RNF214: variants seen among roughly 807,000 people sequenced by gnomAD.
RNF214 encodes the protein ring finger protein 214.
Under a neutral mutation model 75.9 loss-of-function variants are expected in RNF214, and 25 were observed. The observed-to-expected ratio is 0.33, with a 90% CI of 0.24 to 0.46. The LOEUF is 0.46. Among genes scored for constraint, RNF214 ranks in the 20% least tolerant of loss-of-function variants. The probability of loss-of-function intolerance (pLI) is 1.00; values close to 1 mark genes in which losing one functional copy is unlikely to be tolerated. For missense variants in RNF214, 725 were observed against 857.5 expected (o/e 0.85, Z 1.93); for synonymous variants, 314 against 308.8 (o/e 1.02, Z -0.18).
intron 6 of RNF214, among the ~76,000 whole-genome samples, chr11:117,274,676 T>TTC (rs11461325): frequency 1.4e-4 from 2 of 14,408 alleles, no homozygotes; most frequent in African/African-American, 3.0e-3. Context: ...GCCATGGCTC[T>TTC]TTTTTTTTTT....
In RNF214 at chr11:117,281,877, C is replaced by T. The variant is rs774121875; in HGVS notation, c.1336-17C>T. ...TTCTTCCTTTCTCTCTCGTCCTCTA[C>T]CTCTTCTCCTCTGCAGACAGACTTC... On this transcript the variant is annotated splice_polypyrimidine_tract_variant and intron_variant, in intron 10 of 14. Coordinates refer to ENST00000300650, the MANE Select transcript of RNF214 (RefSeq NM_207343.4). 6.2e-7 allele frequency: 1 copy of T among 1,609,388 alleles called. No individual in the cohort carries two copies. The highest frequency in any genetic ancestry group is 8.5e-7 in the Non-Finnish European group (1 of 1,177,092).
Position 117,263,361 on chromosome 11 carries a change from C to T in RNF214, c.959+16413C>T, listed in dbSNP as rs993149805. Among the ~76,000 whole-genome samples, 10 of 152,020 alleles carry T rather than the reference C, an allele frequency of 6.6e-5. No individual in the cohort carries two copies. In the East Asian group the frequency reaches 1.2e-3, roughly 18 times the overall value. ...TGCAGTCTCGGCTCACTGCAACCTCCGCCTACTGGGTGCAAGCGATTCTCC... is the reference window on the plus strand; with the variant it reads ...TGCAGTCTCGGCTCACTGCAACCTCTGCCTACTGGGTGCAAGCGATTCTCC... On this transcript the variant is annotated intron_variant, in intron 6 of 14. Coordinates refer to ENST00000300650, the MANE Select transcript of RNF214 (RefSeq NM_207343.4).
intron 1 of RNF214, among the ~76,000 whole-genome samples, chr11:117,233,752 A>G (rs1474614624): frequency 3.3e-5 from 5 of 152,202 alleles, no homozygotes; most frequent in Non-Finnish European, 5.9e-5. Context: ...TGACAGTAAA[A>G]TATGCACCCT....
chr11:117,234,448 T>G, intron 2 of RNF214, 69 bp downstream of exon 2: 1 of 1,118,834 alleles, frequency 8.9e-7, no homozygotes. Context: ...CTTGTGTAGC[T>G]GGTCTTTCTT....
chr11:117,262,653 A>T (rs1291861023), intron 6 of RNF214, among the ~76,000 whole-genome samples: 3 of 151,870 alleles, frequency 2.0e-5, no homozygotes, highest in African/African-American at 7.3e-5. Context: ...AAGTGCTGAG[A>T]TTACAAGCGT....
At chr11:117,265,876 C>G (rs1475955457) in intron 6 of RNF214, among the ~76,000 whole-genome samples, 1 of 152,196 alleles carries the variant, frequency 6.6e-6, no homozygotes, top group African/African-American at 2.4e-5. Context: ...CTACAATGCT[C>G]CCTGTATTCA....
Position 117,271,538 on chromosome 11 carries a change from T to C in RNF214, c.960-8370T>C, listed in dbSNP as rs551619030. ...ATGTTTTGTCCAGTTGTTTAGTTCT[T>C]TAGGGCCACAGGATAAATCTGTCCC... On this transcript the variant is annotated intron_variant, in intron 6 of 14. Transcript: ENST00000300650. Among the ~76,000 whole-genome samples the C allele has an allele frequency of 2.0e-5, 3 of 152,340 alleles. No homozygotes were observed. The South Asian group carries it at 6.2e-4, about 32-fold the overall frequency.
intron 6 of RNF214, among the ~76,000 whole-genome samples, chr11:117,258,142 C>T (rs1214156062): frequency 6.6e-6 from 1 of 151,346 alleles, no homozygotes; most frequent in Non-Finnish European, 1.5e-5. Context: ...CTGGAGCGCT[C>T]ACTGCAACCT....
At chr11:117,266,859 C>CTTT (rs36064361) in intron 6 of RNF214, among the ~76,000 whole-genome samples, 7 of 128,830 alleles carry the variant, frequency 5.4e-5, no homozygotes, top group Non-Finnish European at 1.1e-4. Flanking sequence ...TCTTCTTTTT[C>CTTT]TTTTTTTTTT....
intron 6 of RNF214, among the ~76,000 whole-genome samples, chr11:117,264,495 A>G (rs1356198622): frequency 6.6e-6 from 1 of 152,066 alleles, no homozygotes; most frequent in African/African-American, 2.4e-5. Context: ...TGTATTTTGG[A>G]TACACCTACT....
At position 117,238,841 on chromosome 11, in the gene RNF214, A is replaced by G. The variant is rs755296119; in HGVS notation, c.348A>G (p.Ala116=). The G allele has an allele frequency of 1.2e-6, 2 of 1,614,084 alleles. No homozygotes were observed. The highest frequency in any genetic ancestry group is 2.2e-5 in the East Asian group (1 of 44,902). The change falls in exon 3 of 15, where the codon GCA becomes GCG. Residue 116 remains alanine, a synonymous_variant. Coordinates refer to ENST00000300650, the MANE Select transcript of RNF214 (RefSeq NM_207343.4). ...QSDLKDVAST[A]GEEGDTSLRE... Reference sequence around the variant, plus strand: ...ATTTGAAGGATGTGGCCAGCACAGCAGGAGAGGAGGGGGACACAAGCCTTC... The same window carrying G: ...ATTTGAAGGATGTGGCCAGCACAGCGGGAGAGGAGGGGGACACAAGCCTTC...
chr11:117,277,445 A>G (rs2134416013), intron 6 of RNF214, among the ~76,000 whole-genome samples: 1 of 152,342 alleles, frequency 6.6e-6, no homozygotes, highest in South Asian at 2.1e-4. Context: ...AGATGAATAT[A>G]CCTTGTCAGT....
At chr11:117,254,019 C>T (rs575026000) in intron 6 of RNF214, among the ~76,000 whole-genome samples, 5 of 151,904 alleles carry the variant, frequency 3.3e-5, no homozygotes, top group African/African-American at 7.3e-5. Context: ...TTTGGGAGGC[C>T]GAGTGGGGCA....
chr11:117,280,845 C>CT (rs2034112701), intron 8 of RNF214, among the ~76,000 whole-genome samples: 1 of 152,118 alleles, frequency 6.6e-6, no homozygotes, highest in Admixed American at 6.6e-5. Flanking sequence ...TTCTCAATTA[C>CT]TTAAAAGATA....
chr11:117,262,655 T>A (rs954826453), intron 6 of RNF214, among the ~76,000 whole-genome samples: 1 of 151,996 alleles, frequency 6.6e-6, no homozygotes, highest in African/African-American at 2.4e-5. Flanking sequence ...GTGCTGAGAT[T>A]ACAAGCGTGA....
intron 6 of RNF214, among the ~76,000 whole-genome samples, chr11:117,264,992 C>A (rs148294286): frequency 4.0e-5 from 6 of 151,088 alleles, no homozygotes; most frequent in African/African-American, 1.5e-4. Flanking sequence ...TGCTTAAACC[C>A]AGGAGGCGGA....
At chr11:117,255,122 A>G in intron 6 of RNF214, among the ~76,000 whole-genome samples, 1 of 152,132 alleles carries the variant, frequency 6.6e-6, no homozygotes, top group East Asian at 1.9e-4. Flanking sequence ...TCCCAAATTT[A>G]AATCTCTCTT....
At chr11:117,242,847 C>CT (rs754441933) in intron 4 of RNF214, among the ~76,000 whole-genome samples, 45 of 152,308 alleles carry the variant, frequency 3.0e-4, no homozygotes, top group Admixed American at 2.6e-4. Context: ...GAGTGAGACT[C>CT]TGTCTCAGAA....
intron 4 of RNF214, among the ~76,000 whole-genome samples, chr11:117,240,860 G>A (rs995586396): frequency 6.6e-6 from 1 of 151,994 alleles, no homozygotes; most frequent in African/African-American, 2.4e-5. Context: ...TGACTAACAT[G>A]GTGAAACCTC....
Sources: gnomAD v4.1 joint callset for allele counts (sites outside exome capture counted in the v4.1 genomes callset) on GRCh38, gnomAD v4.1.1 for gene constraint, MANE v1.5 for transcripts, NCBI Gene and HGNC (gene_info 2026-07-23, HGNC 2026-07-21) for gene names.